TENM3: variants seen among roughly 807,000 people sequenced by gnomAD.
TENM3 encodes the protein teneurin-3.
A neutral mutation model predicts 255.1 loss-of-function variants in TENM3; 63 were observed. That is an observed-to-expected ratio of 0.25 (90% CI 0.20 to 0.30). TENM3 has a LOEUF of 0.30. Among genes scored for constraint, TENM3 ranks in the 10% least tolerant of loss-of-function variants. The pLI, the probability that TENM3 is intolerant of heterozygous loss-of-function variation, is 1.00. For missense variants in TENM3, 2,929 were observed against 3,461.1 expected, an observed-to-expected ratio of 0.85 and a Z score of 3.86; for synonymous variants, 1,306 against 1,322.3, an observed-to-expected ratio of 0.99 and a Z score of 0.27.
At chr4:182,524,923 A>G (rs1739000076) in intron 3 of TENM3, among the ~76,000 whole-genome samples, 2 of 152,054 alleles carry the variant, frequency 1.3e-5, no homozygotes, top group African/African-American at 4.8e-5. Context: ...CCAGCTACAC[A>G]GGAGGCTGAA....
chr4:181,922,711 G>A, the TENM3 span, among the ~76,000 whole-genome samples: 1 of 150,898 alleles, frequency 6.6e-6, no homozygotes, highest in Non-Finnish European at 1.5e-5. Flanking sequence ...ATTTTTTGAA[G>A]GGTTTTTTGT....
chr4:181,543,623 C>T, the TENM3 span, among the ~76,000 whole-genome samples: 1 of 152,218 alleles, frequency 6.6e-6, no homozygotes, highest in African/African-American at 2.4e-5. Context: ...CTGCCAGCCA[C>T]CTGCTGGCCT....
At chr4:182,336,908 T>C (rs1034945637) in intron 2 of TENM3, among the ~76,000 whole-genome samples, 1 of 151,522 alleles carries the variant, frequency 6.6e-6, no homozygotes, top group Admixed American at 6.6e-5. Flanking sequence ...CATAAACTGA[T>C]ATGGTTGGGA....
intron 27 of TENM3, among the ~76,000 whole-genome samples, chr4:182,797,315 T>C (rs1353309673): frequency 6.6e-6 from 1 of 152,006 alleles, no homozygotes; most frequent in East Asian, 1.9e-4. Flanking sequence ...GGGGCATGCC[T>C]GTTATCCCAG....
chr4:181,890,150 G>A, the TENM3 span, among the ~76,000 whole-genome samples: 2 of 152,212 alleles, frequency 1.3e-5, no homozygotes, highest in Admixed American at 6.5e-5. Context: ...AGCATATACA[G>A]GCATGTCTCT....
chr4:181,919,207 G>A, the TENM3 span, among the ~76,000 whole-genome samples: 1 of 152,120 alleles, frequency 6.6e-6, no homozygotes, highest in Non-Finnish European at 1.5e-5. Context: ...GAGGACTTAA[G>A]GGTAGCCACC....
At chr4:182,738,334 A>G in intron 17 of TENM3, 67 bp from the exon 18 acceptor site, 2 of 1,448,372 alleles carry the variant, frequency 1.4e-6, no homozygotes, top group Non-Finnish European at 1.8e-6. Flanking sequence ...GTTTTTTCCA[A>G]GTAAGAAAAT....
At chr4:181,483,597 T>C in the TENM3 span, among the ~76,000 whole-genome samples, 2 of 152,194 alleles carry the variant, frequency 1.3e-5, no homozygotes. Context: ...GCTTTTCTAA[T>C]TATAGATCGT....
At chr4:182,475,007 G>A (rs1026169722) in intron 3 of TENM3, among the ~76,000 whole-genome samples, 5 of 152,170 alleles carry the variant, frequency 3.3e-5, no homozygotes, top group African/African-American at 1.2e-4. Flanking sequence ...GTTGATGTTA[G>A]TCATGCTTCA....
the TENM3 span, among the ~76,000 whole-genome samples, chr4:181,687,391 T>C: frequency 6.6e-6 from 1 of 152,228 alleles, no homozygotes; most frequent in South Asian, 2.1e-4. Flanking sequence ...CACAAACTTT[T>C]GTAGAAACTA....
the TENM3 span, among the ~76,000 whole-genome samples, chr4:181,571,187 G>T: frequency 3.9e-5 from 6 of 152,088 alleles, no homozygotes; most frequent in Non-Finnish European, 8.8e-5. Context: ...TAGTGTCTTC[G>T]GAATTCGAGG....
chr4:182,673,098 T>A lies in TENM3; in HGVS notation c.1205T>A (p.Ile402Asn). Residue 402 changes from isoleucine to asparagine, a missense_variant, in exon 7 of 28, where the codon ATC becomes AAC. Physicochemically the swap from Ile to Asn is moderately radical, Grantham distance 149. This residue lies in a region of TENM3 where 1,608 missense variants were observed against 1,884.4 expected (regional missense o/e 0.85). Transcript: ENST00000511685. ...GCAATTCAAGAGATTCCTCCCGGGA[T>A]CTTCTGGAGATCACAGCTCTTCATT... ...RRAIQEIPPGIFWRSQLFIDQ... is the reference protein window; with the variant it reads ...RRAIQEIPPGNFWRSQLFIDQ... 5 of 1,613,390 alleles carry A rather than the reference T, an allele frequency of 3.1e-6. No individual in the cohort carries two copies. Among genetic ancestry groups the A allele is most frequent in the Non-Finnish European group, 4.2e-6 (5 of 1,179,540 alleles).
intron 3 of TENM3, among the ~76,000 whole-genome samples, chr4:182,516,226 T>G (rs1737932823): frequency 6.6e-6 from 1 of 152,226 alleles, no homozygotes; most frequent in South Asian, 2.1e-4. Context: ...ATCAAATAAG[T>G]CAATCTCATC....
chr4:182,343,240 T>C (rs1764596470), intron 2 of TENM3, among the ~76,000 whole-genome samples: 1 of 152,230 alleles, frequency 6.6e-6, no homozygotes, highest in Non-Finnish European at 1.5e-5. Flanking sequence ...AGGTGTACTT[T>C]GTTCTTGCTA....
At chr4:182,488,096 G>T (rs879761533) in intron 3 of TENM3, among the ~76,000 whole-genome samples, 1 of 152,188 alleles carries the variant, frequency 6.6e-6, no homozygotes, top group Non-Finnish European at 1.5e-5. Flanking sequence ...TTGCTTGCAA[G>T]TGATGACAAA....
chr4:182,361,734 G>A (rs554340174), intron 3 of TENM3, among the ~76,000 whole-genome samples: 3,037 of 152,060 alleles, frequency 0.02, 64 homozygotes, highest in African/African-American at 0.047. Context: ...GTCATTCTCC[G>A]TCCAGCTTTG....
At chr4:181,788,509 G>C in the TENM3 span, among the ~76,000 whole-genome samples, 1 of 152,264 alleles carries the variant, frequency 6.6e-6, no homozygotes, top group Non-Finnish European at 1.5e-5. Context: ...CAGTCAGTCA[G>C]CAGAGGAGCC....
At position 182,623,917 on chromosome 4, in the gene TENM3, A is replaced by G. The variant is rs186712119; in HGVS notation, c.750-4734A>G. Among the ~76,000 whole-genome samples, 361 of 152,276 alleles carry G rather than the reference A, an allele frequency of 2.4e-3. 1 individual carries two copies. The highest frequency in any genetic ancestry group is 4.2e-3 in the Admixed American group (65 of 15,298). On this transcript the variant is annotated intron_variant, in intron 4 of 27. Transcript: ENST00000511685. ...ATAGAAGTAATTCCGCTTCTTAGAAATTATGCTCAGGCACAGGAATCTCTG... is the reference window on the plus strand; with the variant it reads ...ATAGAAGTAATTCCGCTTCTTAGAAGTTATGCTCAGGCACAGGAATCTCTG...
chr4:182,009,426 A>C, the TENM3 span, among the ~76,000 whole-genome samples: 1 of 151,566 alleles, frequency 6.6e-6, no homozygotes, highest in Non-Finnish European at 1.5e-5. Flanking sequence ...CTCTGGCTGG[A>C]GTTATTGGAG....
Sources: allele counts gnomAD v4.1 joint callset (sites outside exome capture counted in the v4.1 genomes callset), GRCh38; gene constraint gnomAD v4.1.1; regional missense constraint gnomAD v4.1.1; transcripts MANE v1.5; gene names NCBI Gene and HGNC (gene_info 2026-07-23, HGNC 2026-07-21).